Variants in CGB7 observed in about 807,000 individuals in gnomAD.
CGB7 encodes chorionic gonadotropin subunit beta 7, also known as choriogonadotropin subunit beta 7.
In CGB7, 6 loss-of-function variants were observed where a neutral mutation model predicts 7.3. The observed-to-expected ratio is 0.82, with a 90% CI of 0.45 to 1.62. The LOEUF is 1.62. Ranked by LOEUF, CGB7 falls within the 40% of genes most tolerant of loss-of-function variation. CGB7 has a pLI of 0.01. For synonymous variants in CGB7, 47 were observed against 100.8 expected (o/e 0.47, Z 3.20); for missense variants, 114 against 236.2 (o/e 0.48, Z 3.39).
rs1319828510 is a variant in CGB7, at chr19:49,055,469, G to T, written c.-94C>A. On this transcript the variant is annotated 5_prime_UTR_variant, in exon 3 of 5. Transcript: ENST00000684222. ...AGGAGGTTGTAGGATGCTGGAGTGA[G>T]CTGGACACTAACCCTTCGGGGGGCG... 59 of 1,608,684 alleles carry T rather than the reference G, an allele frequency of 3.7e-5. No homozygotes were observed. Among genetic ancestry groups the T allele is most frequent in the Non-Finnish European group, 4.8e-5 (56 of 1,176,836 alleles).
At position 49,055,495 on chromosome 19, in the gene CGB7, A is replaced by T; in HGVS notation, c.-120T>A. On this transcript the variant is annotated 5_prime_UTR_variant, in exon 3 of 5. Coordinates refer to ENST00000684222, the MANE Select transcript of CGB7 (RefSeq NM_001385261.1). ...CTGGACACTAACCCTTCGGGGGGCGAGAAGTAGACAAGGCCAGGGAGGCAC... is the reference window on the plus strand; with the variant it reads ...CTGGACACTAACCCTTCGGGGGGCGTGAAGTAGACAAGGCCAGGGAGGCAC... 4 of 1,602,868 alleles carry T rather than the reference A, an allele frequency of 2.5e-6. No individual in the cohort carries two copies. In the Admixed American group the frequency reaches 5.0e-5, roughly 20 times the overall value.
intron 2 of CGB7, among the ~76,000 whole-genome samples, 176 bp from the exon 3 acceptor site, chr19:49,056,771 C>A (rs532330838): frequency 6.6e-6 from 1 of 152,190 alleles, no homozygotes; most frequent in Non-Finnish European, 1.5e-5. Flanking sequence ...AGGTACTTAA[C>A]GTCCTGGAAG....
chr19:49,054,764 A>T, intron 4 of CGB7, 77 bp downstream of exon 4: 9 of 1,402,038 alleles, frequency 6.4e-6, no homozygotes, highest in Non-Finnish European at 7.7e-6. Flanking sequence ...AGAGAGGCAG[A>T]CCACCCTTCC....
chr19:49,057,307 G>C (rs926379106), intron 1 of CGB7, 59 bp from the exon 2 acceptor site: 150 of 1,487,262 alleles, frequency 1.0e-4, no homozygotes, highest in Middle Eastern at 7.2e-4. Flanking sequence ...CCCATCCCAA[G>C]TCCTGGGTCC....
At position 49,056,167 on chromosome 19, in the gene CGB7, C is replaced by T; in HGVS notation, c.-792G>A. The T allele has an allele frequency of 8.0e-7, 1 of 1,249,014 alleles. No individual in the cohort carries two copies. Among genetic ancestry groups the T allele is most frequent in the Non-Finnish European group, 1.0e-6 (1 of 966,832 alleles). 77.4% of individuals were successfully genotyped at this position (1,249,014 alleles called of 1,614,324 possible). ...ACACTGCGGATAGACTTAATGAGTG[C>T]GAGCCCACCTAGGTCCGACACCGCG... On this transcript the variant is annotated 5_prime_UTR_variant, in exon 3 of 5. Coordinates refer to ENST00000684222, the MANE Select transcript of CGB7 (RefSeq NM_001385261.1).
rs544443610 is a variant in CGB7, at chr19:49,055,587, G to T, written c.-212C>A. 235 of 1,477,148 alleles carry T rather than the reference G, an allele frequency of 1.6e-4. 2 individuals are homozygous for T. The African/African-American group carries it at 2.8e-3, about 17-fold the overall frequency. The allele number at this position is 1,477,148 out of a possible 1,614,324, so 91.5% of individuals were successfully genotyped here. ...GGTCTAGCGCCAAGGATGAGGCGGAGACCACGGTGAAGTGACCTCTGAGAC... is the reference window on the plus strand; with the variant it reads ...GGTCTAGCGCCAAGGATGAGGCGGATACCACGGTGAAGTGACCTCTGAGAC... On this transcript the variant is annotated 5_prime_UTR_variant, in exon 3 of 5. Coordinates refer to ENST00000684222, the MANE Select transcript of CGB7 (RefSeq NM_001385261.1).
chr19:49,054,315 T>G lies in CGB7; in HGVS notation c.474A>C (p.Ser158=), dbSNP rs34618037. Residue 158 remains serine, a synonymous_variant, in exon 5 of 5, where the codon TCA becomes TCC. Transcript: ENST00000684222. ...TTTATTGTGGGAGGATCGGGGTGTCTGAGGGCCCCGGGAGTCGGGATGGAC... is the reference window on the plus strand; with the variant it reads ...TTTATTGTGGGAGGATCGGGGTGTCGGAGGGCCCCGGGAGTCGGGATGGAC... ...LPSPSRLPGP[S]DTPILPQ is the part of the protein sequence containing the mutation. The G allele has an allele frequency of 5.2e-5, 80 of 1,541,162 alleles. 4 individuals are homozygous for G. The highest frequency in any genetic ancestry group is 2.3e-4 in the Middle Eastern group (1 of 4,312).
At chr19:49,057,081 G>C in intron 2 of CGB7, 40 bp downstream of exon 2, 4 of 1,525,516 alleles carry the variant, frequency 2.6e-6, no homozygotes, top group Non-Finnish European at 3.5e-6. Flanking sequence ...CCATGGCGGG[G>C]GCTGTGCAGG....
chr19:49,056,262 G>C lies in CGB7; in HGVS notation c.-887C>G, dbSNP rs1425486100. The stretch of plus-strand genomic sequence containing the variant: ...GGCGTGTCTGGGGTGGGGCTGGCCC[G>C]GCAGGCTCCCACTAGCCCCGGCTTA... On this transcript the variant is annotated 5_prime_UTR_variant, in exon 3 of 5. Coordinates refer to ENST00000684222, the MANE Select transcript of CGB7 (RefSeq NM_001385261.1). 3 of 1,290,466 alleles carry C rather than the reference G, an allele frequency of 2.3e-6. No individual in the cohort carries two copies. Among genetic ancestry groups the C allele is most frequent in the Non-Finnish European group, 3.0e-6 (3 of 989,324 alleles). The allele number at this position is 1,290,466 out of a possible 1,614,324, so 79.9% of individuals were successfully genotyped here.
rs756133899 is a variant in CGB7 at position 49,056,500 on chromosome 19, G to A, written c.-1125C>T. On this transcript the variant is annotated 5_prime_UTR_variant, in exon 3 of 5. Transcript: ENST00000684222. ...AGGCGGCCTGGAAGAGCAGAGACAG[G>A]GCTGCCGCTGCGGGTCGTGACTCCA... 8 of 1,302,326 alleles carry A rather than the reference G, an allele frequency of 6.1e-6. No homozygotes were observed. The highest frequency in any genetic ancestry group is 1.2e-5 in the South Asian group (1 of 82,010). 80.7% of individuals were successfully genotyped at this position (1,302,326 alleles called of 1,614,324 possible).
rs2040057411 is a variant in CGB7 at position 49,056,076 on chromosome 19, G to A, written c.-701C>T. 8.5e-7 allele frequency: 1 copy of A among 1,177,158 alleles called. No individual in the cohort carries two copies. Among genetic ancestry groups the A allele is most frequent in the African/African-American group, 1.6e-5 (1 of 62,222 alleles). 72.9% of individuals were successfully genotyped at this position (1,177,158 alleles called of 1,614,324 possible). The stretch of plus-strand genomic sequence containing the variant: ...GCCGCAGCCTCGGAGGACATTGTCT[G>A]GACTTAGTCCCTTCCCCGCGATCCA... On this transcript the variant is annotated 5_prime_UTR_variant, in exon 3 of 5. Coordinates refer to ENST00000684222, the MANE Select transcript of CGB7 (RefSeq NM_001385261.1).
At position 49,057,701 on chromosome 19, in the gene CGB7, G is replaced by C; in HGVS notation, c.-1588C>G. ...CGTCTAGCTCCGCAGCAGCTTAGGA[G>C]CCCTGAAGGCGAGTTTCCAGCCCCT... On this transcript the variant is annotated 5_prime_UTR_variant, in exon 1 of 5. Coordinates refer to ENST00000684222, the MANE Select transcript of CGB7 (RefSeq NM_001385261.1). The C allele has an allele frequency of 7.8e-7, 1 of 1,281,318 alleles. No homozygotes were observed. The highest frequency in any genetic ancestry group is 1.9e-5 in the South Asian group (1 of 51,930). 79.4% of individuals were successfully genotyped at this position (1,281,318 alleles called of 1,614,324 possible).
chr19:49,055,814 G>A lies in CGB7; in HGVS notation c.-439C>T. The A allele has an allele frequency of 9.2e-7, 1 of 1,092,262 alleles. No homozygotes were observed. The highest frequency in any genetic ancestry group is 1.1e-6 in the Non-Finnish European group (1 of 892,036). The allele number at this position is 1,092,262 out of a possible 1,614,324, so 67.7% of individuals were successfully genotyped here. The stretch of plus-strand genomic sequence containing the variant: ...AACCTAACAGGAGGGGCGCGGCTTC[G>A]GACTTAGCTTCTGCCCAGTGAGAGA... On this transcript the variant is annotated 5_prime_UTR_variant, in exon 3 of 5. Coordinates refer to ENST00000684222, the MANE Select transcript of CGB7 (RefSeq NM_001385261.1).
At chr19:49,057,288 A>G in intron 1 of CGB7, 40 bp from the exon 2 acceptor site, 1 of 1,509,798 alleles carries the variant, frequency 6.6e-7, no homozygotes, top group Non-Finnish European at 8.9e-7. Flanking sequence ...CAAGACATAG[A>G]TTTCATACCC....
In CGB7 at chr19:49,057,212, C is replaced by T; in HGVS notation, c.-1312G>A. The T allele has an allele frequency of 2.0e-6, 3 of 1,534,202 alleles. No individual in the cohort carries two copies. The highest frequency in any genetic ancestry group is 2.6e-6 in the Non-Finnish European group (3 of 1,146,282). The stretch of plus-strand genomic sequence containing the variant: ...CGGTCGGATACTGTGAAGGGTGGGC[C>T]AGACAGCGCGGGGTTCTTCGTGCAG... On this transcript the variant is annotated 5_prime_UTR_variant, in exon 2 of 5. Transcript: ENST00000684222.
chr19:49,055,639 C>G lies in CGB7; in HGVS notation c.-264G>C. ...CAGTCGTCGAGTGCTAGGGACTAGTCGAGGCTGGAGGCACAGAGAGTAGGG... is the reference window on the plus strand; with the variant it reads ...CAGTCGTCGAGTGCTAGGGACTAGTGGAGGCTGGAGGCACAGAGAGTAGGG... On this transcript the variant is annotated 5_prime_UTR_variant, in exon 3 of 5. Transcript: ENST00000684222. The G allele has an allele frequency of 7.1e-7, 1 of 1,407,308 alleles. No homozygotes were observed. 87.2% of individuals were successfully genotyped at this position (1,407,308 alleles called of 1,614,324 possible).
At position 49,055,581 on chromosome 19, in the gene CGB7, G is replaced by A; in HGVS notation, c.-206C>T. 2 of 1,490,424 alleles carry A rather than the reference G, an allele frequency of 1.3e-6. No homozygotes were observed. 92.3% of individuals were successfully genotyped at this position (1,490,424 alleles called of 1,614,324 possible). On this transcript the variant is annotated 5_prime_UTR_variant, in exon 3 of 5. Transcript: ENST00000684222. ...CTCAGTGGTCTAGCGCCAAGGATGA[G>A]GCGGAGACCACGGTGAAGTGACCTC...
rs1568405338 is a variant in CGB7, at chr19:49,056,130, A to T, written c.-755T>A. Reference sequence around the variant, plus strand: ...GCAGCTGAGTGGGCGTGTCTGGGCTAGTCCTGTCCCCACACTGCGGATAGA... The same window carrying T: ...GCAGCTGAGTGGGCGTGTCTGGGCTTGTCCTGTCCCCACACTGCGGATAGA... On this transcript the variant is annotated 5_prime_UTR_variant, in exon 3 of 5. Coordinates refer to ENST00000684222, the MANE Select transcript of CGB7 (RefSeq NM_001385261.1). The T allele has an allele frequency of 1.7e-6, 2 of 1,202,606 alleles. No homozygotes were observed. The highest frequency in any genetic ancestry group is 4.7e-4 in the Middle Eastern group (2 of 4,234). The allele number at this position is 1,202,606 out of a possible 1,614,324, so 74.5% of individuals were successfully genotyped here. A position where few individuals can be genotyped will look rare whatever the true frequency, so the allele number is the denominator to read the frequency against.
chr19:49,055,136 C>G, intron 3 of CGB7, 128 bp from the exon 4 acceptor site: 1 of 1,558,882 alleles, frequency 6.4e-7, no homozygotes, highest in Non-Finnish European at 8.7e-7. Flanking sequence ...TCAGGACCCA[C>G]CACCCGGACA....
Sources: gnomAD v4.1 joint callset for allele counts (sites outside exome capture counted in the v4.1 genomes callset) on GRCh38, gnomAD v4.1.1 for gene constraint, MANE v1.5 for transcripts, NCBI Gene and HGNC (gene_info 2026-07-23, HGNC 2026-07-21) for gene names.